Variants in KAT2B observed in about 807,000 individuals in gnomAD.
KAT2B encodes lysine acetyltransferase 2B, also known as histone acetyltransferase KAT2B.
In KAT2B, 36 loss-of-function variants were observed where a neutral mutation model predicts 105.9. The ratio of observed to expected loss-of-function variants is 0.34; its 90% CI spans 0.26 to 0.45. KAT2B has a LOEUF of 0.45. Among genes scored for constraint, KAT2B ranks in the 20% least tolerant of loss-of-function variants. The pLI is 1.00. For missense variants in KAT2B, 820 were observed against 1,021.6 expected, an observed-to-expected ratio of 0.80 and a Z score of 2.69; for synonymous variants, 397 against 377.9, an observed-to-expected ratio of 1.05 and a Z score of -0.59.
intron 2 of KAT2B, among the ~76,000 whole-genome samples, chr3:20,090,605 G>T (rs1468706877): frequency 6.6e-6 from 1 of 152,124 alleles, no homozygotes; most frequent in African/African-American, 2.4e-5. Flanking sequence ...GTTTTCTGTT[G>T]TGTATTTTTG....
chr3:20,052,069 T>G (rs1028109148), intron 1 of KAT2B, among the ~76,000 whole-genome samples: 1 of 152,290 alleles, frequency 6.6e-6, no homozygotes, highest in East Asian at 1.9e-4. Context: ...CATCTAATTG[T>G]GCATGTGGTT....
At chr3:20,103,136 A>G (rs1039236951) in intron 5 of KAT2B, among the ~76,000 whole-genome samples, 10 of 152,154 alleles carry the variant, frequency 6.6e-5, no homozygotes, top group African/African-American at 2.4e-4. Context: ...CGTATCTTTC[A>G]TTTTAGGATT....
intron 2 of KAT2B, among the ~76,000 whole-genome samples, chr3:20,079,543 C>CT (rs1698483424): frequency 6.6e-6 from 1 of 152,132 alleles, no homozygotes; most frequent in Admixed American, 6.5e-5. Context: ...CAAGAGTTAG[C>CT]TTTAACAATC....
chr3:20,115,686 C>T (rs1236783593), intron 7 of KAT2B, among the ~76,000 whole-genome samples: 1 of 152,152 alleles, frequency 6.6e-6, no homozygotes, highest in African/African-American at 2.4e-5. Context: ...TTGACAAACA[C>T]ATATACTTGA....
At chr3:20,092,431 T>TGTTG (rs1241030490) in intron 2 of KAT2B, among the ~76,000 whole-genome samples, 1 of 151,876 alleles carries the variant, frequency 6.6e-6, no homozygotes, top group Non-Finnish European at 1.5e-5. Context: ...GGTTTCACCA[T>TGTTG]GTTGGCCCCA....
intron 9 of KAT2B, among the ~76,000 whole-genome samples, chr3:20,123,438 A>G (rs953116823): frequency 3.9e-5 from 6 of 152,214 alleles, no homozygotes; most frequent in Non-Finnish European, 8.8e-5. Flanking sequence ...TTTTTTTCAA[A>G]TAAAGTTTTA....
At chr3:20,101,578 C>A in intron 5 of KAT2B, 110 bp downstream of exon 5, 1 of 773,224 alleles carries the variant, frequency 1.3e-6, no homozygotes, top group Non-Finnish European at 2.1e-6. Context: ...ATGACTCCAT[C>A]AATTCAGAGA....
chr3:20,108,651 A>G (rs1214090279), intron 5 of KAT2B, among the ~76,000 whole-genome samples: 2 of 152,216 alleles, frequency 1.3e-5, no homozygotes, highest in Admixed American at 1.3e-4. Flanking sequence ...TAAGAGCAAT[A>G]GACTAGACCA....
chr3:20,065,523 A>C (rs946286325), intron 1 of KAT2B, among the ~76,000 whole-genome samples: 2 of 152,098 alleles, frequency 1.3e-5, no homozygotes, highest in Non-Finnish European at 2.9e-5. Context: ...AGCTCAGAAA[A>C]CTTGGCAGAA....
At chr3:20,121,732 ATGTGTGTGTG>A (rs3840188) in intron 8 of KAT2B, among the ~76,000 whole-genome samples, 2,554 of 109,780 alleles carry the variant, frequency 0.023, 100 homozygotes, top group East Asian at 0.17. Context: ...ACATATGCAT[ATGTGTGTGTG>A]TGTGTGTGTG....
intron 1 of KAT2B, among the ~76,000 whole-genome samples, chr3:20,055,925 A>G (rs957632697): frequency 6.6e-6 from 1 of 152,290 alleles, no homozygotes; most frequent in African/African-American, 2.4e-5. Context: ...TTCACTCAGT[A>G]TATTTTTGAG....
At chr3:20,103,746 C>A (rs574246078) in intron 5 of KAT2B, among the ~76,000 whole-genome samples, 1 of 152,102 alleles carries the variant, frequency 6.6e-6, no homozygotes, top group Non-Finnish European at 1.5e-5. Flanking sequence ...TGCAAGGCAG[C>A]CTTTGAGAAT....
intron 8 of KAT2B, among the ~76,000 whole-genome samples, chr3:20,121,247 C>T (rs1390153513): frequency 6.6e-6 from 1 of 152,200 alleles, no homozygotes; most frequent in Non-Finnish European, 1.5e-5. Flanking sequence ...TTACTTTATA[C>T]TGTTCTGCTC....
intron 9 of KAT2B, among the ~76,000 whole-genome samples, chr3:20,125,245 C>G (rs1699379536): frequency 7.0e-6 from 1 of 142,864 alleles, no homozygotes; most frequent in South Asian, 2.2e-4. Context: ...GCGGAGCTTG[C>G]AGTGAGCTGA....
intron 1 of KAT2B, among the ~76,000 whole-genome samples, chr3:20,055,339 G>A (rs1697987345): frequency 6.6e-6 from 1 of 152,208 alleles, no homozygotes; most frequent in South Asian, 2.1e-4. Context: ...TACAGTGACA[G>A]ATGGGTCCTT....
At chr3:20,043,321 G>A (rs1410736438) in intron 1 of KAT2B, among the ~76,000 whole-genome samples, 1 of 152,202 alleles carries the variant, frequency 6.6e-6, no homozygotes. Flanking sequence ...TCCTTCAGGA[G>A]TTACTTATTG....
chr3:20,149,648 GTAA>G (rs1027446544), intron 17 of KAT2B, among the ~76,000 whole-genome samples: 2 of 151,956 alleles, frequency 1.3e-5, no homozygotes, highest in Admixed American at 6.6e-5. Flanking sequence ...TATATTTGTA[GTAA>G]TGATTTCAGT....
At chr3:20,046,288 T>G (rs996151947) in intron 1 of KAT2B, among the ~76,000 whole-genome samples, 1 of 152,074 alleles carries the variant, frequency 6.6e-6, no homozygotes, top group African/African-American at 2.4e-5. Flanking sequence ...TAGTCTTAAT[T>G]GAAAAAATAG....
At chr3:20,110,672 CAAAAAAAAAAAAAA>C (rs55653348) in intron 5 of KAT2B, among the ~76,000 whole-genome samples, 1 of 69,492 alleles carries the variant, frequency 1.4e-5, no homozygotes, top group African/African-American at 6.1e-5. Context: ...GACCCTGTCT[CAAAAAAAAAAAAAA>C]AAAAAGAAAG....
Sources: allele counts gnomAD v4.1 joint callset (sites outside exome capture counted in the v4.1 genomes callset), GRCh38; gene constraint gnomAD v4.1.1; transcripts MANE v1.5; gene names NCBI Gene and HGNC (gene_info 2026-07-23, HGNC 2026-07-21).